MYO1D: variants seen among roughly 807,000 people sequenced by gnomAD.
MYO1D encodes the protein myosin ID.
Under a neutral mutation model 122.0 loss-of-function variants are expected in MYO1D, and 83 were observed. That is an observed-to-expected ratio of 0.68 (90% CI 0.57 to 0.82). The LOEUF is 0.82. MYO1D is among the 40% of genes least tolerant of loss of function. MYO1D has a pLI of 0.00. For synonymous variants in MYO1D, 464 were observed against 446.9 expected (o/e 1.04, Z -0.48); for missense variants, 1,157 against 1,269.5 (o/e 0.91, Z 1.35).
At chr17:32,702,430 A>G (rs1435977091) in intron 16 of MYO1D, among the ~76,000 whole-genome samples, 1 of 152,178 alleles carries the variant, frequency 6.6e-6, no homozygotes, top group African/African-American at 2.4e-5. Context: ...AGAAACAATC[A>G]TATAATTTTA....
At chr17:32,870,833 C>A (rs1200807435) in intron 1 of MYO1D, among the ~76,000 whole-genome samples, 1 of 152,200 alleles carries the variant, frequency 6.6e-6, no homozygotes, top group Non-Finnish European at 1.5e-5. Flanking sequence ...GATTTACATT[C>A]TTTTTCTTAA....
intron 21 of MYO1D, among the ~76,000 whole-genome samples, chr17:32,542,497 C>A (rs1183791171): frequency 6.6e-6 from 1 of 151,894 alleles, no homozygotes; most frequent in East Asian, 1.9e-4. Flanking sequence ...TTTATTGATC[C>A]TCATGTCCAA....
chr17:32,654,513 C>CCCGA lies in MYO1D; in HGVS notation c.2450_2453dup (p.Leu819ArgfsTer29), dbSNP rs757329119. On this transcript the variant is annotated frameshift_variant, in exon 18 of 22. Transcript: ENST00000318217. LOFTEE classifies it high-confidence loss of function. ...AGTTGCCCTCCCAGGCCCTCTGGAG[C>CCCGA]CCGAGGTCAGCCCTTTGACCCTTCA... The CCCGA allele has an allele frequency of 6.2e-7, 1 of 1,613,960 alleles. No homozygotes were observed. Among genetic ancestry groups the CCCGA allele is most frequent in the South Asian group, 1.1e-5 (1 of 91,038 alleles).
intron 16 of MYO1D, among the ~76,000 whole-genome samples, chr17:32,689,619 A>T (rs145914793): frequency 6.6e-6 from 1 of 152,332 alleles, no homozygotes; most frequent in East Asian, 1.9e-4. Flanking sequence ...GAGGAATCGC[A>T]TTGAATATCC....
At chr17:32,790,462 G>A (rs1158253755) in intron 1 of MYO1D, among the ~76,000 whole-genome samples, 1 of 152,052 alleles carries the variant, frequency 6.6e-6, no homozygotes, top group Non-Finnish European at 1.5e-5. Context: ...ACACCTGTAT[G>A]TTTCCTTTGT....
intron 21 of MYO1D, among the ~76,000 whole-genome samples, chr17:32,547,824 C>T (rs113094177): frequency 6.6e-6 from 1 of 151,986 alleles, no homozygotes; most frequent in African/African-American, 2.4e-5. Flanking sequence ...GTGGTGCATG[C>T]CTGTAGTCTC....
chr17:32,709,632 CA>C (rs1230882871), intron 16 of MYO1D, among the ~76,000 whole-genome samples: 1 of 151,728 alleles, frequency 6.6e-6, no homozygotes, highest in Non-Finnish European at 1.5e-5. Context: ...TATTCCAGTC[CA>C]AATGTTTTCC....
intron 21 of MYO1D, among the ~76,000 whole-genome samples, chr17:32,533,911 A>G (rs4795705): frequency 0.28 from 41,939 of 152,156 alleles, 9,277 homozygotes; most frequent in African/African-American, 0.62. Context: ...CAAAATGCCC[A>G]ATAAACAAAA....
chr17:32,524,726 C>T (rs1375170984), intron 21 of MYO1D, among the ~76,000 whole-genome samples: 1 of 152,220 alleles, frequency 6.6e-6, no homozygotes, highest in East Asian at 1.9e-4. Flanking sequence ...CCATGCCTGG[C>T]TGATTTTTGT....
intron 1 of MYO1D, among the ~76,000 whole-genome samples, chr17:32,799,133 G>C (rs897961435): frequency 6.6e-6 from 1 of 152,072 alleles, no homozygotes; most frequent in African/African-American, 2.4e-5. Flanking sequence ...AGGAATACCA[G>C]ACATCAGGAA....
chr17:32,569,290 G>T (rs2087201904), intron 21 of MYO1D, among the ~76,000 whole-genome samples: 1 of 152,214 alleles, frequency 6.6e-6, no homozygotes, highest in African/African-American at 2.4e-5. Context: ...GTTAATTGGG[G>T]ATAGTATTGC....
At chr17:32,647,748 A>T (rs1411123347) in intron 19 of MYO1D, among the ~76,000 whole-genome samples, 1 of 147,226 alleles carries the variant, frequency 6.8e-6, no homozygotes, top group Non-Finnish European at 1.5e-5. Context: ...TTTTCTTGAT[A>T]GTCTGATCGA....
intron 21 of MYO1D, among the ~76,000 whole-genome samples, chr17:32,552,881 C>T (rs937140719): frequency 3.9e-5 from 6 of 152,078 alleles, no homozygotes; most frequent in Admixed American, 3.9e-4. Flanking sequence ...TAAATTAAAA[C>T]CAACATTTAG....
chr17:32,587,467 G>A (rs1466433819), intron 21 of MYO1D, among the ~76,000 whole-genome samples: 6 of 150,614 alleles, frequency 4.0e-5, no homozygotes, highest in South Asian at 2.1e-4. Flanking sequence ...AGCCAAGATC[G>A]TGCCACTGCA....
In MYO1D at chr17:32,780,644, A is replaced by G; in HGVS notation, c.236T>C (p.Phe79Ser). 1 of 1,614,140 alleles carries G rather than the reference A, an allele frequency of 6.2e-7. No individual in the cohort carries two copies. The highest frequency in any genetic ancestry group is 8.5e-7 in the Non-Finnish European group (1 of 1,180,024). ...RELYERPPHL[F>S]AIADAAYKAM... ...CTTGTAAGCAGCATCCGCAATAGCA[A>G]AAAGGTGAGGCGGTCTCTCATACAG... The change falls in exon 2 of 22, where the codon TTT becomes TCT. Residue 79 changes from phenylalanine (F) to serine (S), a missense_variant. Phe to Ser is a radical substitution (Grantham distance 155, BLOSUM62 -2). Coordinates refer to ENST00000318217, the MANE Select transcript of MYO1D (RefSeq NM_015194.3).
intron 16 of MYO1D, among the ~76,000 whole-genome samples, chr17:32,670,505 C>T (rs764288380): frequency 1.3e-5 from 2 of 152,108 alleles, no homozygotes; most frequent in African/African-American, 2.4e-5. Context: ...CCTAGGCAGA[C>T]ATAGGTGGGT....
At chr17:32,803,711 A>G (rs2090480752) in intron 1 of MYO1D, among the ~76,000 whole-genome samples, 1 of 152,202 alleles carries the variant, frequency 6.6e-6, no homozygotes, top group African/African-American at 2.4e-5. Context: ...CCTAACCCCA[A>G]GGATCCTGCA....
chr17:32,625,573 A>T (rs1275358220), intron 20 of MYO1D, among the ~76,000 whole-genome samples: 3 of 150,604 alleles, frequency 2.0e-5, no homozygotes, highest in Non-Finnish European at 4.4e-5. Context: ...TTTTTTAAAT[A>T]GGGTCTCGCT....
At chr17:32,621,002 A>G (rs1249535871) in intron 20 of MYO1D, among the ~76,000 whole-genome samples, 1 of 152,240 alleles carries the variant, frequency 6.6e-6, no homozygotes, top group Admixed American at 6.5e-5. Flanking sequence ...ATATAATGAG[A>G]TATCTTCAGG....
Sources: allele counts gnomAD v4.1 joint callset (sites outside exome capture counted in the v4.1 genomes callset), GRCh38; gene constraint gnomAD v4.1.1; transcripts MANE v1.5; gene names NCBI Gene and HGNC (gene_info 2026-07-23, HGNC 2026-07-21).